The following APBA2 variants were observed in gnomAD, a reference collection of about 807,000 sequenced individuals.
The protein encoded by APBA2 is amyloid-beta A4 precursor protein-binding family A member 2.
APBA2 carries 30 observed loss-of-function variants against 75.0 expected under a neutral mutation model. The observed-to-expected ratio is 0.40, with a 90% CI of 0.30 to 0.54. The LOEUF is 0.54. Among genes scored for constraint, APBA2 ranks in the 20% least tolerant of loss-of-function variants. The pLI, the probability that APBA2 is intolerant of heterozygous loss-of-function variation, is 0.49. For synonymous variants in APBA2, 444 were observed against 409.6 expected (o/e 1.08, Z -1.01); for missense variants, 801 against 1,016.1 (o/e 0.79, Z 2.88).
intron 6 of APBA2, among the ~76,000 whole-genome samples, chr15:29,090,685 C>T (rs1375014856): frequency 1.3e-5 from 2 of 152,176 alleles, no homozygotes; most frequent in Admixed American, 6.5e-5. Flanking sequence ...CAGAGCTTTC[C>T]TGCAGAACAA....
At chr15:28,942,242 C>T (rs2035274084) in intron 2 of APBA2, among the ~76,000 whole-genome samples, 1 of 152,194 alleles carries the variant, frequency 6.6e-6, no homozygotes, top group Non-Finnish European at 1.5e-5. Flanking sequence ...TCTCCCTCCA[C>T]TGTGGGCCGC....
intron 1 of APBA2, among the ~76,000 whole-genome samples, chr15:28,891,725 ACT>A: frequency 6.6e-6 from 1 of 151,944 alleles, no homozygotes. Context: ...TTCTGAGGAA[ACT>A]CTCATTAGTA....
At chr15:28,989,485 A>G (rs1373812822) in intron 2 of APBA2, among the ~76,000 whole-genome samples, 1 of 152,204 alleles carries the variant, frequency 6.6e-6, no homozygotes, top group Admixed American at 6.5e-5. Context: ...GGCTGTATGC[A>G]CAGGCGTCAC....
chr15:28,943,940 A>G (rs561736079), intron 2 of APBA2, among the ~76,000 whole-genome samples: 1 of 152,158 alleles, frequency 6.6e-6, no homozygotes. Context: ...GCCGCTACAC[A>G]GTGCCCTGCC....
intron 6 of APBA2, among the ~76,000 whole-genome samples, chr15:29,084,165 T>G (rs970775797): frequency 1.3e-5 from 2 of 152,230 alleles, no homozygotes; most frequent in Non-Finnish European, 2.9e-5. Flanking sequence ...TCTTATTTTT[T>G]AAAAATAGAT....
intron 3 of APBA2, among the ~76,000 whole-genome samples, chr15:29,010,480 G>T (rs768056595): frequency 6.6e-6 from 1 of 152,030 alleles, no homozygotes; most frequent in African/African-American, 2.4e-5. Flanking sequence ...GGATAGTCTC[G>T]ATCTCCTGAC....
intron 3 of APBA2, among the ~76,000 whole-genome samples, chr15:29,017,233 T>C (rs1321761059): frequency 6.6e-6 from 1 of 152,094 alleles, no homozygotes; most frequent in Non-Finnish European, 1.5e-5. Context: ...CTGCACGCAC[T>C]TCTGGGAGGT....
intron 2 of APBA2, among the ~76,000 whole-genome samples, chr15:28,954,150 A>G (rs145182124): frequency 9.9e-5 from 15 of 152,186 alleles, no homozygotes; most frequent in East Asian, 3.9e-4. Context: ...TAAGCTGCCC[A>G]TGGTCACACC....
At chr15:28,915,199 C>T (rs1388410622) in intron 1 of APBA2, among the ~76,000 whole-genome samples, 140 of 143,596 alleles carry the variant, frequency 9.7e-4, no homozygotes, top group Middle Eastern at 3.7e-3. Flanking sequence ...CCACACACCA[C>T]ACACATAGCG....
chr15:29,087,841 C>T (rs1340744922), intron 6 of APBA2, among the ~76,000 whole-genome samples: 1 of 152,158 alleles, frequency 6.6e-6, no homozygotes, highest in Non-Finnish European at 1.5e-5. Context: ...AGCTGCAGCC[C>T]CTCCTCCCAG....
At chr15:28,912,576 G>A (rs932144489) in intron 1 of APBA2, among the ~76,000 whole-genome samples, 2 of 152,220 alleles carry the variant, frequency 1.3e-5, no homozygotes, top group Non-Finnish European at 2.9e-5. Context: ...ATGGCTGCCT[G>A]GTTGTTACAG....
chr15:28,935,392 G>C (rs2034802231), intron 2 of APBA2, among the ~76,000 whole-genome samples: 1 of 151,884 alleles, frequency 6.6e-6, no homozygotes. Context: ...ATTTTAATTT[G>C]CCCCTGGGGG....
At chr15:29,115,870 GCCCGAGA>G (rs1297264817) in intron 14 of APBA2, among the ~76,000 whole-genome samples, 4 of 152,146 alleles carry the variant, frequency 2.6e-5, no homozygotes, top group Non-Finnish European at 5.9e-5. Flanking sequence ...TCAGCCCAGG[GCCCGAGA>G]CCTGCTTGCC....
At chr15:29,004,529 A>C (rs1232953700) in intron 3 of APBA2, among the ~76,000 whole-genome samples, 1 of 151,858 alleles carries the variant, frequency 6.6e-6, no homozygotes, top group Non-Finnish European at 1.5e-5. Flanking sequence ...ATACAAATGC[A>C]GGTCATATTC....
chr15:28,895,114 C>A (rs1266631571), intron 1 of APBA2, among the ~76,000 whole-genome samples: 2 of 152,242 alleles, frequency 1.3e-5, no homozygotes, highest in African/African-American at 2.4e-5. Context: ...AAATCCATGA[C>A]AAACCGTTCA....
At chr15:29,006,487 T>C (rs964542476) in intron 3 of APBA2, among the ~76,000 whole-genome samples, 4 of 152,240 alleles carry the variant, frequency 2.6e-5, no homozygotes, top group Admixed American at 2.6e-4. Context: ...CCTATATTAG[T>C]CCATTCTCAT....
chr15:29,061,449 T>G (rs2042126251), intron 4 of APBA2, among the ~76,000 whole-genome samples: 1 of 152,188 alleles, frequency 6.6e-6, no homozygotes. Flanking sequence ...TGCGTTTTGA[T>G]TATTTGGGGT....
Position 29,106,676 on chromosome 15 carries a change from C to T in APBA2, c.1774C>T (p.Leu592=), listed in dbSNP as rs2044424809. The T allele has an allele frequency of 1.9e-6, 3 of 1,612,912 alleles. No individual in the cohort carries two copies. Among genetic ancestry groups the T allele is most frequent in the Admixed American group, 3.3e-5 (2 of 60,000 alleles). The change falls in exon 12 of 15, where the codon CTG becomes TTG. Residue 592 remains leucine, a synonymous_variant. Transcript: ENST00000683413. ...VVVESGWGSI[L]PTVILANMMN... ...GGTGGAGTCGGGCTGGGGCTCCATCCTGCCCACGGTGATCCTGGCCAACAT... is the reference window on the plus strand; with the variant it reads ...GGTGGAGTCGGGCTGGGGCTCCATCTTGCCCACGGTGATCCTGGCCAACAT...
chr15:29,035,391 G>C (rs990960077), intron 3 of APBA2, among the ~76,000 whole-genome samples: 3 of 150,210 alleles, frequency 2.0e-5, no homozygotes, highest in Non-Finnish European at 4.4e-5. Flanking sequence ...GGGAAAGCAT[G>C]AATCGACTAC....
Sources: gnomAD v4.1 joint callset for allele counts (sites outside exome capture counted in the v4.1 genomes callset) on GRCh38, gnomAD v4.1.1 for gene constraint, MANE v1.5 for transcripts, NCBI Gene and HGNC (gene_info 2026-07-23, HGNC 2026-07-21) for gene names.